Variants in GLIS3 observed in about 807,000 individuals in gnomAD.
The protein encoded by GLIS3 is GLIS family zinc finger 3, also known as zinc finger protein GLIS3.
GLIS3 carries 53 observed loss-of-function variants against 78.6 expected under a neutral mutation model. The observed-to-expected ratio is 0.67, with a 90% CI of 0.54 to 0.85. The LOEUF (loss-of-function observed/expected upper bound fraction) is 0.85, where lower values mean the gene tolerates loss of function less well. Ranked by LOEUF, GLIS3 falls within the 40% of genes least tolerant of loss-of-function variation. The pLI is 0.00. For synonymous variants in GLIS3, 684 were observed against 509.9 expected (o/e 1.34, Z -4.60); for missense variants, 1,703 against 1,231.1 (o/e 1.38, Z -5.74).
chr9:3,923,610 T>A (rs551122490), intron 6 of GLIS3, among the ~76,000 whole-genome samples: 5 of 151,720 alleles, frequency 3.3e-5, no homozygotes, highest in Admixed American at 6.6e-5. Context: ...AGTACAAGGA[T>A]GTTTGAATAT....
chr9:4,127,625 C>T (rs768916779), intron 2 of GLIS3, among the ~76,000 whole-genome samples: 1 of 151,992 alleles, frequency 6.6e-6, no homozygotes, highest in African/African-American at 2.4e-5. Flanking sequence ...TTTTCATATT[C>T]CCTTTTTACC....
intron 2 of GLIS3, among the ~76,000 whole-genome samples, chr9:4,270,514 C>G (rs1009346924): frequency 2.6e-5 from 4 of 152,166 alleles, no homozygotes; most frequent in African/African-American, 9.7e-5. Context: ...TCCAGGCTCA[C>G]AGGGTTGTTG....
At chr9:4,088,794 T>C (rs1266990078) in intron 4 of GLIS3, among the ~76,000 whole-genome samples, 1 of 152,256 alleles carries the variant, frequency 6.6e-6, no homozygotes, top group Non-Finnish European at 1.5e-5. Context: ...TTCACATTTA[T>C]GAAGTCCCAC....
intron 4 of GLIS3, among the ~76,000 whole-genome samples, chr9:4,020,405 G>A (rs977682392): frequency 6.6e-6 from 1 of 152,130 alleles, no homozygotes; most frequent in African/African-American, 2.4e-5. Flanking sequence ...GGGTTGTCAA[G>A]GCCCCTCTCA....
chr9:4,140,434 G>T (rs1365261844), intron 2 of GLIS3, among the ~76,000 whole-genome samples: 1 of 152,194 alleles, frequency 6.6e-6, no homozygotes, highest in Non-Finnish European at 1.5e-5. Context: ...ATCATAAATT[G>T]TTTCTGCTCC....
At chr9:4,179,873 G>A (rs1817146597) in intron 2 of GLIS3, among the ~76,000 whole-genome samples, 1 of 150,612 alleles carries the variant, frequency 6.6e-6, no homozygotes, top group Non-Finnish European at 1.5e-5. Context: ...TCGTGCCACT[G>A]TACTCCAGCC....
At chr9:4,458,032 A>G in the GLIS3 span, among the ~76,000 whole-genome samples, 1 of 152,112 alleles carries the variant, frequency 6.6e-6, no homozygotes. Flanking sequence ...ACTCCATGGA[A>G]GGACTGAACC....
chr9:4,151,870 G>C (rs1323339745), intron 2 of GLIS3, among the ~76,000 whole-genome samples: 2 of 152,160 alleles, frequency 1.3e-5, no homozygotes, highest in African/African-American at 4.8e-5. Flanking sequence ...ACAGAATGAA[G>C]GGCATTTGAG....
At chr9:4,304,568 G>T (rs1048911017), upstream of GLIS3, among the ~76,000 whole-genome samples, 2 of 152,024 alleles carry the variant, frequency 1.3e-5, no homozygotes, top group African/African-American at 4.8e-5. Flanking sequence ...TAAATAATGG[G>T]GAGAAAAGGG....
chr9:4,250,240 A>G (rs989864106), intron 2 of GLIS3, among the ~76,000 whole-genome samples: 1 of 152,196 alleles, frequency 6.6e-6, no homozygotes, highest in Non-Finnish European at 1.5e-5. Context: ...CTGTGAATCC[A>G]TCTGGTCCTG....
chr9:4,317,265 T>C (rs1429863103), intron 2 of GLIS3, among the ~76,000 whole-genome samples: 3 of 152,260 alleles, frequency 2.0e-5, no homozygotes, highest in African/African-American at 7.2e-5. Flanking sequence ...GCTGCCATCA[T>C]CAATCCTTAG....
intron 4 of GLIS3, among the ~76,000 whole-genome samples, chr9:3,938,914 A>C (rs1473143857): frequency 6.6e-6 from 1 of 152,146 alleles, no homozygotes; most frequent in Non-Finnish European, 1.5e-5. Context: ...ACTCATTGCT[A>C]AGAGGCCTCT....
At chr9:4,084,527 G>T (rs1224626629) in intron 4 of GLIS3, among the ~76,000 whole-genome samples, 1 of 152,128 alleles carries the variant, frequency 6.6e-6, no homozygotes, top group Non-Finnish European at 1.5e-5. Context: ...CTGGGGAGGA[G>T]GTGGAAGTGG....
At chr9:3,963,366 T>C (rs375816750) in intron 4 of GLIS3, among the ~76,000 whole-genome samples, 11 of 152,284 alleles carry the variant, frequency 7.2e-5, no homozygotes, top group East Asian at 5.8e-4. Context: ...TGCTGGAATA[T>C]TGAAGTGACG....
intron 6 of GLIS3, among the ~76,000 whole-genome samples, chr9:3,900,392 T>A (rs1308404954): frequency 6.6e-6 from 1 of 152,108 alleles, no homozygotes; most frequent in Non-Finnish European, 1.5e-5. Context: ...CTAGATGGTA[T>A]GTGGGAATAT....
At chr9:4,365,923 C>T in the GLIS3 span, among the ~76,000 whole-genome samples, 1 of 152,222 alleles carries the variant, frequency 6.6e-6, no homozygotes, top group Non-Finnish European at 1.5e-5. Flanking sequence ...CATGTATTCA[C>T]ACTCTAGAGT....
At chr9:4,049,406 T>C (rs1825522938) in intron 4 of GLIS3, among the ~76,000 whole-genome samples, 1 of 152,170 alleles carries the variant, frequency 6.6e-6, no homozygotes. Flanking sequence ...ATCAAGGACC[T>C]TGCTCCATTA....
chr9:3,996,125 G>A (rs930906932), intron 4 of GLIS3, among the ~76,000 whole-genome samples: 6 of 152,116 alleles, frequency 3.9e-5, no homozygotes, highest in African/African-American at 1.2e-4. Context: ...TCAAAATGCT[G>A]TGAGAAGTAA....
the GLIS3 span, among the ~76,000 whole-genome samples, chr9:4,487,223 C>A: frequency 1.3e-5 from 2 of 151,948 alleles, no homozygotes; most frequent in Non-Finnish European, 2.9e-5. Context: ...CAAGAGTTCT[C>A]GTGGGTCTGA....
Sources: gnomAD v4.1 joint callset for allele counts (sites outside exome capture counted in the v4.1 genomes callset) on GRCh38, gnomAD v4.1.1 for gene constraint, MANE v1.5 for transcripts, NCBI Gene and HGNC (gene_info 2026-07-23, HGNC 2026-07-21) for gene names.